Variants in MIB2 observed in about 807,000 individuals in gnomAD.
The protein encoded by MIB2 is MIB E3 ubiquitin protein ligase 2, also known as E3 ubiquitin-protein ligase MIB2.
MIB2 carries 78 observed loss-of-function variants against 96.6 expected under a neutral mutation model. That is an observed-to-expected ratio of 0.81 (90% CI 0.67 to 0.97). MIB2 has a LOEUF of 0.97. MIB2 is among the 50% of genes least tolerant of loss of function. The probability of loss-of-function intolerance (pLI) is 0.00; values close to 1 mark genes in which losing one functional copy is unlikely to be tolerated. For synonymous variants in MIB2, 820 were observed against 629.5 expected (o/e 1.30, Z -4.53); for missense variants, 1,543 against 1,424.0 (o/e 1.08, Z -1.35).
rs1327926065 is a variant in MIB2, at chr1:1,625,323, C to T, written c.759C>T (p.Asp253=). Residue 253 remains aspartate, a synonymous_variant, in exon 7 of 20, where the codon GAC becomes GAT. Transcript: ENST00000355826. This position sits in a 1 kb window ranked among gnomAD's most constrained non-coding sequence, Gnocchi z 5.0. ...AGCTGCAGCGCAGGGTGAGTGCTGA[C>T]AGCCAGCCCTTCCAGCACGGGGACA... ...PAELQRRVSA[D]SQPFQHGDKV... 8 of 1,580,268 alleles carry T rather than the reference C, an allele frequency of 5.1e-6. No individual in the cohort carries two copies. Among genetic ancestry groups the T allele is most frequent in the Middle Eastern group, 1.8e-4 (1 of 5,678 alleles).
intron 2 of MIB2, 80 bp from the exon 3 acceptor site, chr1:1,623,351 G>A (rs1171717083): frequency 6.4e-7 from 1 of 1,551,862 alleles, no homozygotes; most frequent in East Asian, 2.4e-5. Context: ...CTGACCGGGA[G>A]TGTCCCATGG....
rs1021558973 is a variant in MIB2, at chr1:1,629,437, AC to A, written c.2439del (p.Asn814ThrfsTer3). ...AAPGPRQTLG[T>X]PNTVTNLHVG... ...CCCGGGCCCCAGGCAAACGCTCGGG[AC>A]CCCCAACACCGTGACGAACCTGCAC... On this transcript the variant is annotated frameshift_variant, in exon 18 of 20. Transcript: ENST00000355826. LOFTEE classifies it high-confidence loss of function. 7.0e-7 allele frequency: 1 copy of A among 1,427,896 alleles called. No individual in the cohort carries two copies. The highest frequency in any genetic ancestry group is 1.3e-5 in the South Asian group (1 of 79,920). 88.5% of individuals were successfully genotyped at this position (1,427,896 alleles called of 1,614,324 possible).
chr1:1,625,865 T>C lies in MIB2; in HGVS notation c.972+212T>C. 2 of 584,240 alleles carry C rather than the reference T, an allele frequency of 3.4e-6. 1 individual carries two copies. The highest frequency in any genetic ancestry group is 4.1e-5 in the South Asian group (2 of 48,724). The allele number at this position is 584,240 out of a possible 1,614,324, so 36.2% of individuals were successfully genotyped here. ...GAAGGAACCCAGAGGAGGGTATGTC[T>C]CTGGGAGCTGGAATGGGCAGGTTAG... On this transcript the variant is annotated intron_variant, in intron 8 of 19. Coordinates refer to ENST00000355826, the MANE Select transcript of MIB2 (RefSeq NM_001170687.4). This position sits in a 1 kb window ranked among gnomAD's most constrained non-coding sequence, Gnocchi z 5.0.
In MIB2 at chr1:1,629,286, C is replaced by G. The variant is rs764277280; in HGVS notation, c.2356C>G (p.Leu786Val). Residue 786 changes from leucine to valine, a missense_variant, in exon 17 of 20, where the codon CTT becomes GTT. Transcript: ENST00000355826. The part of the protein sequence containing the change: ...LAAEGRVLKA[L>V]QGCAQRFRER... ...CGCCGAGGGTCGCGTGCTCAAGGCC[C>G]TTCAGGGCTGCGCCCAGCGCTTCCG... The G allele has an allele frequency of 1.3e-6, 2 of 1,528,166 alleles. No homozygotes were observed. The highest frequency in any genetic ancestry group is 2.9e-5 in the African/African-American group (2 of 69,372). 94.7% of individuals were successfully genotyped at this position (1,528,166 alleles called of 1,614,324 possible).
Position 1,625,020 on chromosome 1 carries a change from G to A in MIB2, c.556G>A (p.Asp186Asn). 1.2e-6 allele frequency: 2 copies of A among 1,612,922 alleles called. No homozygotes were observed. The highest frequency in any genetic ancestry group is 2.2e-5 in the East Asian group (1 of 44,876). Residue 186 changes from aspartate to asparagine, a missense_variant, in exon 6 of 20, where the codon GAC becomes AAC. Asp to Asn is a conservative substitution (Grantham distance 23). Coordinates refer to ENST00000355826, the MANE Select transcript of MIB2 (RefSeq NM_001170687.4). This position sits in a 1 kb window ranked among gnomAD's most constrained non-coding sequence, Gnocchi z 5.0. ...GGAAGGGAAACCGGGCCGTGTGGTG[G>A]ACATCCGTGGCTGGGATGTGGAGAC... Reference protein sequence around the residue: ...GGEGKPGRVVDIRGWDVETGR... With the variant: ...GGEGKPGRVVNIRGWDVETGR...
intron 2 of MIB2, chr1:1,618,192 A>C (rs1347662852): frequency 1.3e-5 from 2 of 152,384 alleles, no homozygotes; most frequent in Non-Finnish European, 2.9e-5. Context: ...GGACATCTGC[A>C]CTTCCCATAG....
In MIB2 at chr1:1,627,684, A is replaced by C; in HGVS notation, c.1535A>C (p.Glu512Ala). 6.3e-7 allele frequency: 1 copy of C among 1,593,854 alleles called. No homozygotes were observed. Among genetic ancestry groups the C allele is most frequent in the South Asian group, 1.1e-5 (1 of 90,200 alleles). The part of the protein sequence containing the change: ...LHYAALGNQP[E>A]ATRVLLSAGC... The stretch of plus-strand genomic sequence containing the variant: ...TCCTCTCCTGTCAGGAACCAGCCCG[A>C]GGCCACCAGGGTGCTCCTGAGTGCT... The change falls in exon 13 of 20, where the codon GAG (glutamate) becomes GCG (alanine). Residue 512 changes from glutamate (E) to alanine (A), a missense_variant. Transcript: ENST00000355826.
chr1:1,622,811 A>G (rs966131177), intron 2 of MIB2, among the ~76,000 whole-genome samples: 2 of 152,204 alleles, frequency 1.3e-5, no homozygotes, highest in African/African-American at 4.8e-5. Flanking sequence ...CAGGGCCCAA[A>G]GCTGGTGTCC....
rs371136243 is a variant in MIB2, at chr1:1,628,060, G to A, written c.1722G>A (p.Ala574=). ...CGCCCCTGCACTCCGCCATCTCGGC[G>A]GGCACTGGAGCCAGCGGCATTGTCG... ...SDTPLHSAIS[A]GTGASGIVEV... The change falls in exon 14 of 20, where the codon GCG becomes GCA. Residue 574 remains alanine, a synonymous_variant. Coordinates refer to ENST00000355826, the MANE Select transcript of MIB2 (RefSeq NM_001170687.4). 25 of 1,613,048 alleles carry A rather than the reference G, an allele frequency of 1.5e-5. No individual in the cohort carries two copies. The African/African-American group carries it at 2.1e-4, about 14-fold the overall frequency.
Position 1,628,258 on chromosome 1 carries a change from C to T in MIB2, c.1842-15C>T. ...GGGCAGTCCCAGGTCCCAGACCAAC[C>T]TCCCTGCTCCACAGAGCTGTGAGAA... On this transcript the variant is annotated splice_polypyrimidine_tract_variant and intron_variant, in intron 14 of 19. Coordinates refer to ENST00000355826, the MANE Select transcript of MIB2 (RefSeq NM_001170687.4). 6.2e-7 allele frequency: 1 copy of T among 1,612,944 alleles called. No homozygotes were observed. The highest frequency in any genetic ancestry group is 1.1e-5 in the South Asian group (1 of 91,064).
intron 2 of MIB2, chr1:1,623,133 G>C: frequency 2.0e-6 from 1 of 504,958 alleles, no homozygotes; most frequent in Non-Finnish European, 3.5e-6. Context: ...TTCCGAGAGC[G>C]TTATTTGTGA....
chr1:1,616,996 A>G, intron 2 of MIB2: 1 of 232,434 alleles, frequency 4.3e-6, no homozygotes, highest in Non-Finnish European at 8.6e-6. Context: ...ATGACACCCC[A>G]GCCTGCAGGG....
chr1:1,621,645 CTGTGCT>C (rs1375753528), intron 2 of MIB2, among the ~76,000 whole-genome samples: 1 of 152,242 alleles, frequency 6.6e-6, no homozygotes, highest in Admixed American at 6.5e-5. Flanking sequence ...ACAGGGAGAG[CTGTGCT>C]TGTAAAACAT....
chr1:1,621,358 G>A (rs1051726975), intron 2 of MIB2, among the ~76,000 whole-genome samples: 5 of 152,268 alleles, frequency 3.3e-5, no homozygotes, highest in Non-Finnish European at 7.3e-5. Context: ...GCAGGAGGCC[G>A]TGGGGAGGGC....
chr1:1,624,918 G>A lies in MIB2; in HGVS notation c.526+17G>A. 1.2e-6 allele frequency: 2 copies of A among 1,611,176 alleles called. No individual in the cohort carries two copies. The highest frequency in any genetic ancestry group is 1.1e-5 in the South Asian group (1 of 90,948). On this transcript the variant is annotated intron_variant, in intron 5 of 19. Coordinates refer to ENST00000355826, the MANE Select transcript of MIB2 (RefSeq NM_001170687.4). ...CACAGGATGGTGAGTGGAGGCAGAG[G>A]GGCGGGGTCAGGGCTGGGCTGTGGC...
rs752756516 is a variant in MIB2, at chr1:1,629,217, G to C, written c.2287G>C (p.Val763Leu). 231 of 1,538,316 alleles carry C rather than the reference G, an allele frequency of 1.5e-4. No individual in the cohort carries two copies. Among genetic ancestry groups the C allele is most frequent in the Non-Finnish European group, 1.8e-4 (212 of 1,152,476 alleles). Residue 763 changes from valine (V) to leucine (L), a missense_variant, in exon 17 of 20, where the codon GTG (valine) becomes CTG (leucine). Physicochemically the swap from Val to Leu is conservative, Grantham distance 32. Transcript: ENST00000355826. Reference sequence around the variant, plus strand: ...CTTCCTGGCGCTGGAGGGCGCCGACGTGAGCTACACCAACCACCGCGGTCG... The same window carrying C: ...CTTCCTGGCGCTGGAGGGCGCCGACCTGAGCTACACCAACCACCGCGGTCG... ...ACFLALEGAD[V>L]SYTNHRGRSP...
rs771040772 is a variant in MIB2, at chr1:1,628,516, C to G, written c.1996C>G (p.Arg666Gly). 2 of 1,600,692 alleles carry G rather than the reference C, an allele frequency of 1.2e-6. No homozygotes were observed. The highest frequency in any genetic ancestry group is 2.2e-5 in the East Asian group (1 of 44,672). The change falls in exon 16 of 20, where the codon CGG becomes GGG. Residue 666 changes from arginine (R) to glycine (G), a missense_variant. Transcript: ENST00000355826. ...EGRCDVNVRN[R>G]KLQSPLHLAV... ...CCGCTGTGACGTGAACGTGCGCAAC[C>G]GGAAGCTGCAGTCCCCGCTGCATCT...
rs1645122739 is a variant in MIB2, at chr1:1,629,223, T to C, written c.2293T>C (p.Tyr765His). 6.5e-7 allele frequency: 1 copy of C among 1,541,814 alleles called. No individual in the cohort carries two copies. The highest frequency in any genetic ancestry group is 1.2e-5 in the South Asian group (1 of 84,054). ...FLALEGADVS[Y>H]TNHRGRSPLD... ...GGCGCTGGAGGGCGCCGACGTGAGCTACACCAACCACCGCGGTCGGAGCCC... is the reference window on the plus strand; with the variant it reads ...GGCGCTGGAGGGCGCCGACGTGAGCCACACCAACCACCGCGGTCGGAGCCC... The change falls in exon 17 of 20, where the codon TAC becomes CAC. Residue 765 changes from tyrosine to histidine, a missense_variant. Transcript: ENST00000355826.
chr1:1,626,601 G>T lies in MIB2; in HGVS notation c.973-49G>T. 1 of 1,446,068 alleles carries T rather than the reference G, an allele frequency of 6.9e-7. No individual in the cohort carries two copies. 89.6% of individuals were successfully genotyped at this position (1,446,068 alleles called of 1,614,324 possible). A position where few individuals can be genotyped will look rare whatever the true frequency, so the allele number is the denominator to read the frequency against. ...TTGCCCTCCTGTTGCATGAGCCTGGGCAGCCACACACAGCTGGGGGGCCCC... is the reference window on the plus strand; with the variant it reads ...TTGCCCTCCTGTTGCATGAGCCTGGTCAGCCACACACAGCTGGGGGGCCCC... On this transcript the variant is annotated intron_variant, in intron 8 of 19. Coordinates refer to ENST00000355826, the MANE Select transcript of MIB2 (RefSeq NM_001170687.4). This position sits in a 1 kb window ranked among gnomAD's most constrained non-coding sequence, Gnocchi z 5.3.
Sources: allele counts gnomAD v4.1 joint callset (sites outside exome capture counted in the v4.1 genomes callset), GRCh38; gene constraint gnomAD v4.1.1; non-coding constraint Gnocchi (gnomAD v3.1); transcripts MANE v1.5; gene names NCBI Gene and HGNC (gene_info 2026-07-23, HGNC 2026-07-21).